Variants in CDH12 observed in about 807,000 individuals in gnomAD.
CDH12 encodes the protein cadherin-12.
In CDH12, 41 loss-of-function variants were observed where a neutral mutation model predicts 74.1. The ratio of observed to expected loss-of-function variants is 0.55; its 90% confidence interval spans 0.43 to 0.72. The LOEUF (loss-of-function observed/expected upper bound fraction) is 0.72. Among genes scored for constraint, CDH12 ranks in the 30% least tolerant of loss-of-function variants. CDH12 has a pLI of 0.00. For missense variants in CDH12, 945 were observed against 977.2 expected, an observed-to-expected ratio of 0.97 and a Z score of 0.44; for synonymous variants, 399 against 355.0, an observed-to-expected ratio of 1.12 and a Z score of -1.39.
intron 5 of CDH12, among the ~76,000 whole-genome samples, chr5:22,012,808 C>G (rs1326162772): frequency 7.0e-6 from 1 of 142,372 alleles, no homozygotes. Flanking sequence ...ATAACAATAT[C>G]TACCTTCCTT....
intron 1 of CDH12, among the ~76,000 whole-genome samples, chr5:22,577,013 A>G (rs768021969): frequency 1.3e-5 from 2 of 152,196 alleles, no homozygotes; most frequent in African/African-American, 4.8e-5. Context: ...TAAAAAAAGG[A>G]GATTGCAAGA....
chr5:22,309,510 A>G (rs1738285623), intron 3 of CDH12, among the ~76,000 whole-genome samples: 1 of 152,114 alleles, frequency 6.6e-6, no homozygotes, highest in African/African-American at 2.4e-5. Context: ...CTCGATATAC[A>G]TATATATAGG....
intron 4 of CDH12, among the ~76,000 whole-genome samples, chr5:22,081,614 G>C (rs1407574543): frequency 6.6e-6 from 1 of 152,104 alleles, no homozygotes; most frequent in African/African-American, 2.4e-5. Context: ...GGGGATGTGA[G>C]GTATCAACAC....
At chr5:21,936,244 G>A (rs1375463851) in intron 6 of CDH12, among the ~76,000 whole-genome samples, 6 of 152,136 alleles carry the variant, frequency 3.9e-5, no homozygotes, top group South Asian at 4.1e-4. Context: ...GTATCTCCGC[G>A]CCAACATTTG....
chr5:21,959,924 CAAAAAAAAAAA>C (rs1201352707), intron 6 of CDH12, among the ~76,000 whole-genome samples: 1 of 49,776 alleles, frequency 2.0e-5, no homozygotes, highest in African/African-American at 6.2e-5. Flanking sequence ...GGCTCCATCT[CAAAAAAAAAAA>C]AAAAAAAAAA....
At chr5:21,897,085 C>T (rs1236711807) in intron 6 of CDH12, among the ~76,000 whole-genome samples, 1 of 151,908 alleles carries the variant, frequency 6.6e-6, no homozygotes, top group Non-Finnish European at 1.5e-5. Flanking sequence ...ATAGAAATTG[C>T]CAACAAATAT....
chr5:22,815,693 C>T (rs1749354117), intron 1 of CDH12, among the ~76,000 whole-genome samples: 1 of 148,032 alleles, frequency 6.8e-6, no homozygotes, highest in African/African-American at 2.5e-5. Flanking sequence ...TCGCTTGAAC[C>T]TGGGAGATAC....
At chr5:22,266,832 G>A (rs533814288) in intron 3 of CDH12, among the ~76,000 whole-genome samples, 16 of 152,106 alleles carry the variant, frequency 1.1e-4, no homozygotes, top group African/African-American at 3.6e-4. Context: ...TTACTCTGGG[G>A]AATAAAAAGG....
At chr5:21,943,078 T>G (rs1755411075) in intron 6 of CDH12, among the ~76,000 whole-genome samples, 1 of 152,110 alleles carries the variant, frequency 6.6e-6, no homozygotes, top group Non-Finnish European at 1.5e-5. Context: ...CTCCTTCACA[T>G]GCTCTCTCTC....
At chr5:22,017,938 T>C (rs1387903851) in intron 5 of CDH12, among the ~76,000 whole-genome samples, 1 of 152,012 alleles carries the variant, frequency 6.6e-6, no homozygotes, top group Non-Finnish European at 1.5e-5. Flanking sequence ...TTTGTACTTT[T>C]AGTAGAGACA....
intron 6 of CDH12, among the ~76,000 whole-genome samples, chr5:21,922,625 TACAG>T (rs1754403773): frequency 6.6e-6 from 1 of 152,132 alleles, no homozygotes; most frequent in Admixed American, 6.6e-5. Flanking sequence ...ACAAGGCTCA[TACAG>T]ACATACATAT....
chr5:22,791,100 C>T (rs1037314750), intron 1 of CDH12, among the ~76,000 whole-genome samples: 8 of 152,256 alleles, frequency 5.3e-5, no homozygotes, highest in East Asian at 3.9e-4. Context: ...ACACAAAGAA[C>T]GTAACAAAGA....
chr5:22,152,066 C>T (rs1747627054), intron 4 of CDH12: 1 of 152,090 alleles, frequency 6.6e-6, no homozygotes, highest in Admixed American at 6.6e-5. Flanking sequence ...TGTGGGCCTG[C>T]TAAGCCTTTC....
intron 4 of CDH12, among the ~76,000 whole-genome samples, chr5:22,186,759 C>G (rs1192703249): frequency 6.6e-6 from 1 of 152,200 alleles, no homozygotes; most frequent in African/African-American, 2.4e-5. Flanking sequence ...GTGTGAGTCA[C>G]TGAGCCTGGC....
chr5:22,635,972 C>T (rs1289725140), intron 1 of CDH12, among the ~76,000 whole-genome samples: 1 of 151,356 alleles, frequency 6.6e-6, no homozygotes, highest in African/African-American at 2.4e-5. Context: ...AAATATTATA[C>T]AGTAATATTA....
At chr5:22,358,174 C>G (rs1443260076) in intron 3 of CDH12, among the ~76,000 whole-genome samples, 2 of 152,162 alleles carry the variant, frequency 1.3e-5, no homozygotes, top group East Asian at 3.9e-4. Flanking sequence ...TTTGGGAGGC[C>G]AAGGCAGGTG....
intron 1 of CDH12, among the ~76,000 whole-genome samples, chr5:22,832,208 C>A (rs1438944091): frequency 6.6e-6 from 1 of 152,140 alleles, no homozygotes; most frequent in African/African-American, 2.4e-5. Flanking sequence ...AGACTTGGCA[C>A]CTTCATATAC....
chr5:21,768,673 G>C (rs1419664223), intron 11 of CDH12, among the ~76,000 whole-genome samples: 1 of 151,874 alleles, frequency 6.6e-6, no homozygotes, highest in Non-Finnish European at 1.5e-5. Flanking sequence ...ATCAAGTAAA[G>C]CCCACACCCA....
chr5:22,460,115 T>C (rs779277026), intron 2 of CDH12, among the ~76,000 whole-genome samples: 2 of 152,156 alleles, frequency 1.3e-5, no homozygotes, highest in Non-Finnish European at 2.9e-5. Context: ...CTAGAAAATA[T>C]AAGCAGCTAG....
Sources: allele counts gnomAD v4.1 joint callset (sites outside exome capture counted in the v4.1 genomes callset), GRCh38; gene constraint gnomAD v4.1.1; transcripts MANE v1.5; gene names NCBI Gene and HGNC (gene_info 2026-07-23, HGNC 2026-07-21).